The following RASL12 variants were observed in gnomAD, a reference collection of about 807,000 sequenced individuals.
RASL12 encodes ras-like protein family member 12.
In RASL12, 16 loss-of-function variants were observed where a neutral mutation model predicts 22.9. That is an observed-to-expected ratio of 0.70 (90% CI 0.47 to 1.06). The LOEUF (loss-of-function observed/expected upper bound fraction) is 1.06, where lower values mean the gene tolerates loss of function less well. Among genes scored for constraint, RASL12 ranks in the 50% least tolerant of loss-of-function variants. The pLI, the probability that RASL12 is intolerant of heterozygous loss-of-function variation, is 0.00. For missense variants in RASL12, 306 were observed against 353.1 expected, an observed-to-expected ratio of 0.87 and a Z score of 1.07; for synonymous variants, 159 against 152.2, an observed-to-expected ratio of 1.04 and a Z score of -0.33.
In RASL12 at chr15:65,058,501, G is replaced by T; in HGVS notation, c.351C>A (p.Ala117=). 1 of 1,610,996 alleles carries T rather than the reference G, an allele frequency of 6.2e-7. No homozygotes were observed. The highest frequency in any genetic ancestry group is 1.7e-5 in the Admixed American group (1 of 59,812). ...TGCGCTGTGTCTCCTTCGCGTGCAA[G>T]GCAAGCAGCTCCAGGTAGCTGCTGC... ...DSSSSYLELL[A]LHAKETQRSI... is the part of the protein sequence containing the mutation. The change falls in exon 4 of 5, where the codon GCC becomes GCA. Residue 117 remains alanine, a synonymous_variant. Transcript: ENST00000220062.
At chr15:65,052,079 A>C (rs2086661099), downstream of RASL12, among the ~76,000 whole-genome samples, 1 of 152,240 alleles carries the variant, frequency 6.6e-6, no homozygotes, top group Non-Finnish European at 1.5e-5. Flanking sequence ...GAGAGAGGAC[A>C]GACACATGGG....
chr15:65,048,700 G>A (rs537590054), downstream of RASL12, among the ~76,000 whole-genome samples: 41 of 152,068 alleles, frequency 2.7e-4, no homozygotes, highest in African/African-American at 9.2e-4. Flanking sequence ...TGTTTAATGC[G>A]TGTCCTTTTA....
At chr15:65,074,939 T>G (rs1005829618) in intron 1 of RASL12, among the ~76,000 whole-genome samples, 1 of 152,232 alleles carries the variant, frequency 6.6e-6, no homozygotes, top group Non-Finnish European at 1.5e-5. Context: ...GTGGAGCCCT[T>G]CAGCCCACCA....
At chr15:65,076,651 G>A in exon 1 of RASL12, 1 of 732,388 alleles carries the variant, frequency 1.4e-6, no homozygotes, top group South Asian at 1.5e-5. Flanking sequence ...CTCCGGGCCT[G>A]CAGCCATACA....
chr15:65,075,640 G>A (rs892801454), intron 1 of RASL12, among the ~76,000 whole-genome samples: 4 of 151,784 alleles, frequency 2.6e-5, no homozygotes, highest in Admixed American at 2.0e-4. Context: ...TTGACACTCT[G>A]TATCTAGCTG....
chr15:65,050,149 ACAGAG>A, downstream of RASL12: 2 of 1,476,710 alleles, frequency 1.4e-6, no homozygotes, highest in Non-Finnish European at 1.8e-6. Flanking sequence ...GCCCCTCAAC[ACAGAG>A]CAGAGTTTGG....
the RASL12 span, among the ~76,000 whole-genome samples, chr15:65,045,776 C>G: frequency 6.6e-6 from 1 of 152,244 alleles, no homozygotes; most frequent in East Asian, 1.9e-4. Context: ...AAAGGCAAAA[C>G]TAACAAAATG....
At chr15:65,063,185 G>A (rs1030756165) in intron 2 of RASL12, among the ~76,000 whole-genome samples, 2 of 147,340 alleles carry the variant, frequency 1.4e-5, no homozygotes, top group African/African-American at 5.1e-5. Flanking sequence ...AAAAATACAA[G>A]ATGCCCAGTT....
chr15:65,076,587 C>G, exon 1 of RASL12: 1 of 703,456 alleles, frequency 1.4e-6, no homozygotes, highest in East Asian at 2.7e-5. Context: ...ATTCTGGACC[C>G]ATTATTACCA....
At chr15:65,063,485 T>A (rs1199281577) in intron 2 of RASL12, among the ~76,000 whole-genome samples, 1 of 152,192 alleles carries the variant, frequency 6.6e-6, no homozygotes, top group Non-Finnish European at 1.5e-5. Flanking sequence ...TGACCTCTGC[T>A]AATCAAAGGG....
chr15:65,049,855 C>A, downstream of RASL12: 5 of 487,042 alleles, frequency 1.0e-5, no homozygotes, highest in Middle Eastern at 5.6e-4. Context: ...GGAGATCAAA[C>A]TCGGGTGGGA....
intron 1 of RASL12, among the ~76,000 whole-genome samples, chr15:65,075,329 G>A (rs759575569): frequency 3.9e-5 from 6 of 152,180 alleles, no homozygotes; most frequent in African/African-American, 7.2e-5. Flanking sequence ...GCTCCTGTGC[G>A]GCCCGAGCCT....
At chr15:65,065,464 C>T (rs1246727733) in intron 1 of RASL12, among the ~76,000 whole-genome samples, 191 bp from the exon 2 acceptor site, 2 of 152,038 alleles carry the variant, frequency 1.3e-5, no homozygotes, top group African/African-American at 4.8e-5. Flanking sequence ...CTACGGGGAG[C>T]CAAGTGCCTC....
rs767940367 is a variant in RASL12 at position 65,066,240 on chromosome 15, TAGAA to T, written c.104-971_104-968del. Among the ~76,000 whole-genome samples, 266 of 148,778 alleles carry T rather than the reference TAGAA, an allele frequency of 1.8e-3. 1 individual carries two copies. Among genetic ancestry groups the T allele is most frequent in the African/African-American group, 6.0e-3 (243 of 40,414 alleles). On this transcript the variant is annotated intron_variant, in intron 1 of 4. Coordinates refer to ENST00000220062, the MANE Select transcript of RASL12 (RefSeq NM_016563.4). ...AGAGAAAGAAACAAAGACAGAAAGA[TAGAA>T]AGAAAGAAAGAAAAAGAAAAAAGAA...
At chr15:65,051,509 C>A, downstream of RASL12, 5 of 1,613,266 alleles carry the variant, frequency 3.1e-6, no homozygotes, top group Non-Finnish European at 4.2e-6. Context: ...GTGTGTCCTT[C>A]CCCAGCATCT....
chr15:65,055,373 G>C (rs1412197872), intron 4 of RASL12, 99 bp from the exon 5 acceptor site: 3 of 1,106,664 alleles, frequency 2.7e-6, no homozygotes, highest in Non-Finnish European at 1.3e-6. Flanking sequence ...TAGCTGGGTG[G>C]CCTGGGGTCA....
intron 1 of RASL12, among the ~76,000 whole-genome samples, chr15:65,073,311 A>T (rs1468956136): frequency 3.9e-5 from 6 of 152,268 alleles, no homozygotes; most frequent in African/African-American, 1.4e-4. Context: ...AACTTGCCAT[A>T]ATGTAGAATC....
intron 2 of RASL12, among the ~76,000 whole-genome samples, chr15:65,064,811 C>T (rs1222499996): frequency 6.6e-6 from 1 of 152,162 alleles, no homozygotes; most frequent in African/African-American, 2.4e-5. Context: ...CCAGGCTGGT[C>T]ATTAACTCCT....
At chr15:65,049,773 G>C (rs2086625272), downstream of RASL12, 2 of 409,288 alleles carry the variant, frequency 4.9e-6, no homozygotes, top group African/African-American at 2.1e-5. Flanking sequence ...GGCTCCACGT[G>C]CTCCTGGGTT....
Sources: gnomAD v4.1 joint callset for allele counts (sites outside exome capture counted in the v4.1 genomes callset) on GRCh38, gnomAD v4.1.1 for gene constraint, MANE v1.5 for transcripts, NCBI Gene and HGNC (gene_info 2026-07-23, HGNC 2026-07-21) for gene names.